The following SLC26A7 variants were observed in gnomAD, a reference collection of about 807,000 sequenced individuals.
The protein encoded by SLC26A7 is anion exchange transporter.
Under a neutral mutation model 82.5 loss-of-function variants are expected in SLC26A7, and 59 were observed. The ratio of observed to expected loss-of-function variants is 0.72; its 90% CI spans 0.58 to 0.89. The LOEUF is 0.89. Among genes scored for constraint, SLC26A7 ranks in the 40% least tolerant of loss-of-function variants. The pLI is 0.00. For synonymous variants in SLC26A7, 271 were observed against 274.3 expected, an observed-to-expected ratio of 0.99 and a Z score of 0.12; for missense variants, 820 against 793.0, an observed-to-expected ratio of 1.03 and a Z score of -0.41.
chr8:91,371,498 T>C (rs1383885188), intron 15 of SLC26A7, among the ~76,000 whole-genome samples: 1 of 151,876 alleles, frequency 6.6e-6, no homozygotes, highest in Non-Finnish European at 1.5e-5. Flanking sequence ...TGGTATTTGG[T>C]TTTCTATTTC....
At chr8:91,268,377 T>C (rs1289064464) in intron 2 of SLC26A7, among the ~76,000 whole-genome samples, 2 of 151,886 alleles carry the variant, frequency 1.3e-5, no homozygotes, top group Non-Finnish European at 1.5e-5. Context: ...CCGTTTATCA[T>C]TGTATAATGT....
intron 15 of SLC26A7, among the ~76,000 whole-genome samples, chr8:91,385,124 ATTT>A (rs1814766007): frequency 6.6e-6 from 1 of 152,128 alleles, no homozygotes; most frequent in African/African-American, 2.4e-5. Flanking sequence ...CTGATGGTTA[ATTT>A]CTTTCTGAAA....
chr8:91,327,976 A>AT (rs1434541576), intron 5 of SLC26A7, among the ~76,000 whole-genome samples: 1 of 152,078 alleles, frequency 6.6e-6, no homozygotes, highest in Non-Finnish European at 1.5e-5. Context: ...TGTTTAAATC[A>AT]TTTTTTCTCA....
chr8:91,378,707 A>C (rs2130891546), intron 15 of SLC26A7, among the ~76,000 whole-genome samples: 1 of 151,804 alleles, frequency 6.6e-6, no homozygotes, highest in East Asian at 1.9e-4. Context: ...ATGACCATAC[A>C]CTGGGTCATT....
At chr8:91,253,102 C>T (rs1049617484) in intron 2 of SLC26A7, among the ~76,000 whole-genome samples, 1 of 152,082 alleles carries the variant, frequency 6.6e-6, no homozygotes, top group Non-Finnish European at 1.5e-5. Flanking sequence ...TTTTTAGGCA[C>T]AGATGCAAGC....
intron 11 of SLC26A7, among the ~76,000 whole-genome samples, chr8:91,359,646 T>A (rs956144319): frequency 1.3e-5 from 2 of 151,954 alleles, no homozygotes; most frequent in Admixed American, 6.6e-5. Flanking sequence ...GTGGTTGGAG[T>A]GGATAGATAT....
At chr8:91,394,902 A>T (rs746799439) in intron 18 of SLC26A7, among the ~76,000 whole-genome samples, 160 bp from the exon 19 acceptor site, 9 of 152,072 alleles carry the variant, frequency 5.9e-5, no homozygotes, top group Non-Finnish European at 1.3e-4. Context: ...TTGAGTTTGG[A>T]CCTGGAGCTT....
intron 11 of SLC26A7, among the ~76,000 whole-genome samples, chr8:91,356,510 G>T (rs1246189078): frequency 6.6e-6 from 1 of 152,038 alleles, no homozygotes; most frequent in Non-Finnish European, 1.5e-5. Context: ...TGTGTTTTTT[G>T]GCTGCATAAA....
intron 2 of SLC26A7, among the ~76,000 whole-genome samples, chr8:91,258,582 A>T (rs971776013): frequency 7.9e-5 from 12 of 152,080 alleles, no homozygotes; most frequent in African/African-American, 2.9e-4. Flanking sequence ...ACAACCAACA[A>T]TTGCTAAATG....
chr8:91,265,348 G>A (rs977931000), intron 2 of SLC26A7, among the ~76,000 whole-genome samples: 3 of 151,970 alleles, frequency 2.0e-5, no homozygotes, highest in African/African-American at 4.8e-5. Context: ...CAATAAACAT[G>A]GGAATGCAGA....
chr8:91,391,471 A>G (rs1029456837), intron 16 of SLC26A7, among the ~76,000 whole-genome samples: 19 of 152,114 alleles, frequency 1.2e-4, no homozygotes, highest in African/African-American at 4.3e-4. Context: ...CACCGAATAT[A>G]TTTTTATTTG....
intron 4 of SLC26A7, among the ~76,000 whole-genome samples, chr8:91,314,269 T>A (rs1812568772): frequency 6.6e-6 from 1 of 152,174 alleles, no homozygotes; most frequent in African/African-American, 2.4e-5. Flanking sequence ...CAAATTTAAA[T>A]ACTGGGTCTC....
At chr8:91,238,523 G>A (rs990203653) in intron 2 of SLC26A7, among the ~76,000 whole-genome samples, 1 of 149,672 alleles carries the variant, frequency 6.7e-6, no homozygotes, top group African/African-American at 2.4e-5. Flanking sequence ...TAGAACATGA[G>A]AAAGGTTTTA....
At chr8:91,384,796 A>G (rs1488428907) in intron 15 of SLC26A7, among the ~76,000 whole-genome samples, 1 of 152,050 alleles carries the variant, frequency 6.6e-6, no homozygotes, top group Non-Finnish European at 1.5e-5. Flanking sequence ...GGAAGGAAGG[A>G]AAGAAGGAAA....
At chr8:91,304,907 T>C (rs1812261736) in intron 4 of SLC26A7, among the ~76,000 whole-genome samples, 1 of 152,206 alleles carries the variant, frequency 6.6e-6, no homozygotes, top group South Asian at 2.1e-4. Flanking sequence ...GTATGACTCC[T>C]CTGTGTCTTT....
intron 4 of SLC26A7, among the ~76,000 whole-genome samples, chr8:91,307,173 A>G (rs1156669980): frequency 4.3e-5 from 5 of 117,436 alleles, no homozygotes; most frequent in African/African-American, 1.7e-4. Context: ...GGATGTGGAG[A>G]AATAGGAACA....
At chr8:91,320,658 C>G (rs1297897443) in intron 5 of SLC26A7, among the ~76,000 whole-genome samples, 3 of 152,140 alleles carry the variant, frequency 2.0e-5, no homozygotes, top group Non-Finnish European at 2.9e-5. Flanking sequence ...GCCACTGGAT[C>G]ATTTAAGTGT....
intron 2 of SLC26A7, among the ~76,000 whole-genome samples, chr8:91,236,874 C>A (rs1810400214): frequency 6.6e-6 from 1 of 152,092 alleles, no homozygotes; most frequent in Admixed American, 6.6e-5. Context: ...ACCTCTACTC[C>A]CAGGGCCATT....
intron 9 of SLC26A7, among the ~76,000 whole-genome samples, chr8:91,344,477 G>A (rs1379247414): frequency 2.0e-5 from 3 of 152,090 alleles, no homozygotes; most frequent in African/African-American, 7.2e-5. Flanking sequence ...AACATTCATT[G>A]GGAGTCTTCC....
Sources: gnomAD v4.1 joint callset for allele counts (sites outside exome capture counted in the v4.1 genomes callset) on GRCh38, gnomAD v4.1.1 for gene constraint, MANE v1.5 for transcripts, NCBI Gene and HGNC (gene_info 2026-07-23, HGNC 2026-07-21) for gene names.